Variants in CLIC4 observed in about 807,000 individuals in gnomAD.
The protein encoded by CLIC4 is chloride intracellular channel protein 4.
A neutral mutation model predicts 24.6 loss-of-function variants in CLIC4; 13 were observed. The ratio of observed to expected loss-of-function variants is 0.53; its 90% CI spans 0.34 to 0.84. CLIC4 has a LOEUF of 0.84. Ranked by LOEUF, CLIC4 falls within the 40% of genes least tolerant of loss-of-function variation. CLIC4 has a pLI of 0.01. For missense variants in CLIC4, 227 were observed against 301.7 expected (o/e 0.75, Z 1.83); for synonymous variants, 104 against 111.3 (o/e 0.93, Z 0.41).
chr1:24,792,448 T>C (rs1251060828), intron 1 of CLIC4, among the ~76,000 whole-genome samples: 1 of 152,202 alleles, frequency 6.6e-6, no homozygotes, highest in Non-Finnish European at 1.5e-5. Flanking sequence ...TGCTTTGGAC[T>C]TCCAAAGTGT....
At chr1:24,766,473 G>GTTTTTT (rs71032855) in intron 1 of CLIC4, among the ~76,000 whole-genome samples, 1 of 62,078 alleles carries the variant, frequency 1.6e-5, no homozygotes, top group African/African-American at 6.5e-5. Context: ...TGCCCAGACG[G>GTTTTTT]TTTTTTTTTT....
intron 1 of CLIC4, among the ~76,000 whole-genome samples, chr1:24,746,913 C>T (rs1396822029): frequency 2.0e-5 from 3 of 152,146 alleles, no homozygotes; most frequent in Admixed American, 1.3e-4. Context: ...TGCTTGAGCC[C>T]GGGAGGTCGA....
intron 2 of CLIC4, among the ~76,000 whole-genome samples, chr1:24,804,854 G>A (rs567959955): frequency 2.0e-5 from 3 of 151,836 alleles, no homozygotes; most frequent in Admixed American, 6.6e-5. Flanking sequence ...TAATCCCAGC[G>A]CTTTGAGAGG....
chr1:24,752,827 A>T lies in CLIC4; in HGVS notation c.72+7202A>T, dbSNP rs560841565. Among the ~76,000 whole-genome samples, 77 of 152,222 alleles carry T rather than the reference A, an allele frequency of 5.1e-4. No homozygotes were observed. The South Asian group carries it at 0.015, about 30-fold the overall frequency. ...AACCTCTGCTTCCCGGGTTCAAGCG[A>T]TTCTTCTGCCTCAGCCTCTGGAGTA... On this transcript the variant is annotated intron_variant, in intron 1 of 5. Coordinates refer to ENST00000374379, the MANE Select transcript of CLIC4 (RefSeq NM_013943.3).
At chr1:24,757,898 G>A (rs913114300) in intron 1 of CLIC4, among the ~76,000 whole-genome samples, 1 of 151,844 alleles carries the variant, frequency 6.6e-6, no homozygotes. Context: ...CTTCCAAGTA[G>A]CTGGGACCAC....
intron 2 of CLIC4, among the ~76,000 whole-genome samples, chr1:24,807,082 GT>G (rs1186389793): frequency 2.6e-5 from 4 of 151,948 alleles, no homozygotes; most frequent in African/African-American, 9.7e-5. Flanking sequence ...GAGACCAGGA[GT>G]TTGAGGACAG....
At chr1:24,838,143 C>T (rs866814494) in intron 4 of CLIC4, among the ~76,000 whole-genome samples, 2 of 152,032 alleles carry the variant, frequency 1.3e-5, no homozygotes, top group Admixed American at 6.6e-5. Flanking sequence ...CAGCATTCAC[C>T]CTGGGAGTCT....
At chr1:24,807,356 T>A (rs1263423899) in intron 2 of CLIC4, among the ~76,000 whole-genome samples, 1 of 152,028 alleles carries the variant, frequency 6.6e-6, no homozygotes, top group Non-Finnish European at 1.5e-5. Flanking sequence ...AATATAAAAT[T>A]TTCTTTTTAA....
intron 1 of CLIC4, among the ~76,000 whole-genome samples, chr1:24,786,909 T>C (rs138131144): frequency 0.016 from 2,412 of 151,792 alleles, 58 homozygotes; most frequent in African/African-American, 0.056. Context: ...TGAGCCACCG[T>C]GCCAGGCCAA....
intron 1 of CLIC4, among the ~76,000 whole-genome samples, chr1:24,775,070 G>GAA (rs112547782): frequency 9.5e-5 from 12 of 126,852 alleles, no homozygotes; most frequent in African/African-American, 2.3e-4. Context: ...GACTCCATCT[G>GAA]AAAAAAAAAA....
At chr1:24,756,241 C>T (rs1028888864) in intron 1 of CLIC4, among the ~76,000 whole-genome samples, 6 of 152,066 alleles carry the variant, frequency 3.9e-5, no homozygotes, top group African/African-American at 4.8e-5. Context: ...CCTCGTGATC[C>T]GCCCGCCTCG....
intron 4 of CLIC4, among the ~76,000 whole-genome samples, chr1:24,830,949 A>G (rs1168423205): frequency 6.6e-6 from 1 of 151,946 alleles, no homozygotes; most frequent in Non-Finnish European, 1.5e-5. Flanking sequence ...TGAAAACTGT[A>G]TTGTGTTTAT....
chr1:24,836,665 C>T (rs2124176296), intron 4 of CLIC4, among the ~76,000 whole-genome samples: 1 of 152,228 alleles, frequency 6.6e-6, no homozygotes, highest in Middle Eastern at 3.4e-3. Flanking sequence ...TAGCTAAACC[C>T]TCTGTCTACA....
chr1:24,840,982 T>G lies in CLIC4; in HGVS notation c.*45T>G. 1 of 1,525,142 alleles carries G rather than the reference T, an allele frequency of 6.6e-7. No individual in the cohort carries two copies. The allele number at this position is 1,525,142 out of a possible 1,614,324, so 94.5% of individuals were successfully genotyped here. On this transcript the variant is annotated 3_prime_UTR_variant, in exon 6 of 6. Coordinates refer to ENST00000374379, the MANE Select transcript of CLIC4 (RefSeq NM_013943.3). ...ATGTCTTCATGTCTTCCCCTAAGAA[T>G]ACGCTTTTCCTAACAGGCTACTCCT...
intron 3 of CLIC4, among the ~76,000 whole-genome samples, chr1:24,825,773 T>TG (rs1639781520): frequency 6.6e-6 from 1 of 152,244 alleles, no homozygotes; most frequent in African/African-American, 2.4e-5. Flanking sequence ...ATATAAAAGC[T>TG]GAAACACAAC....
At chr1:24,797,987 C>A in intron 2 of CLIC4, 136 bp downstream of exon 2, 1 of 647,958 alleles carries the variant, frequency 1.5e-6, no homozygotes. Context: ...GGACAAACAA[C>A]TTGTATATAA....
chr1:24,782,959 A>G (rs1452652357), intron 1 of CLIC4, among the ~76,000 whole-genome samples: 1 of 152,190 alleles, frequency 6.6e-6, no homozygotes, highest in Non-Finnish European at 1.5e-5. Flanking sequence ...CAGCCTGGGC[A>G]GCAGAGCAAG....
At chr1:24,785,854 C>CAAAAAA (rs61009244) in intron 1 of CLIC4, among the ~76,000 whole-genome samples, 556 of 58,646 alleles carry the variant, frequency 9.5e-3, no homozygotes, top group East Asian at 0.012. Flanking sequence ...GACTACAACT[C>CAAAAAA]AAAAAAAAAA....
intron 2 of CLIC4, among the ~76,000 whole-genome samples, chr1:24,803,391 C>A (rs1205846667): frequency 6.6e-6 from 1 of 152,132 alleles, no homozygotes; most frequent in Non-Finnish European, 1.5e-5. Context: ...ATGATTGTTA[C>A]ATGACATTTC....
Sources: allele counts gnomAD v4.1 joint callset (sites outside exome capture counted in the v4.1 genomes callset), GRCh38; gene constraint gnomAD v4.1.1; transcripts MANE v1.5; gene names NCBI Gene and HGNC (gene_info 2026-07-23, HGNC 2026-07-21).